Variants in DCC observed in about 807,000 individuals in gnomAD.
The protein encoded by DCC is netrin receptor DCC.
A neutral mutation model predicts 172.5 loss-of-function variants in DCC; 58 were observed. The ratio of observed to expected loss-of-function variants is 0.34; its 90% CI spans 0.27 to 0.42. The LOEUF (loss-of-function observed/expected upper bound fraction) is 0.42. Ranked by LOEUF, DCC falls within the 10% of genes least tolerant of loss-of-function variation. The probability of loss-of-function intolerance (pLI) is 1.00; values close to 1 mark genes in which losing one functional copy is unlikely to be tolerated. For missense variants in DCC, 1,740 were observed against 1,791.0 expected (o/e 0.97, Z 0.51); for synonymous variants, 709 against 644.5 (o/e 1.10, Z -1.52).
At chr18:52,726,398 G>A (rs28407544) in intron 1 of DCC, among the ~76,000 whole-genome samples, 9,526 of 152,050 alleles carry the variant, frequency 0.063, 972 homozygotes, top group African/African-American at 0.22. Context: ...TTTCCACCAT[G>A]GTACCTTCAT....
At chr18:52,767,585 G>C (rs984991320) in intron 2 of DCC, among the ~76,000 whole-genome samples, 1 of 152,090 alleles carries the variant, frequency 6.6e-6, no homozygotes, top group Admixed American at 6.5e-5. Context: ...TACGCTTGTT[G>C]GTTTCTTGTG....
chr18:52,593,962 C>T (rs1315043938), intron 1 of DCC, among the ~76,000 whole-genome samples: 1 of 152,124 alleles, frequency 6.6e-6, no homozygotes, highest in Non-Finnish European at 1.5e-5. Flanking sequence ...AATGCAATTC[C>T]AGTGGATGTA....
At chr18:52,986,720 A>G (rs1288838614) in intron 5 of DCC, among the ~76,000 whole-genome samples, 1 of 151,528 alleles carries the variant, frequency 6.6e-6, no homozygotes, top group Non-Finnish European at 1.5e-5. Flanking sequence ...AGCAGAAGCT[A>G]TATATATACA....
chr18:53,120,294 A>G (rs984147096), intron 7 of DCC, among the ~76,000 whole-genome samples: 39 of 151,930 alleles, frequency 2.6e-4, no homozygotes, highest in African/African-American at 9.1e-4. Flanking sequence ...TAGAATAAAA[A>G]CATTTATAGA....
chr18:52,527,183 A>T (rs1284961851), intron 1 of DCC, among the ~76,000 whole-genome samples: 1 of 152,234 alleles, frequency 6.6e-6, no homozygotes, highest in Non-Finnish European at 1.5e-5. Flanking sequence ...CTGAGAGGGG[A>T]TATCATGTCA....
intron 2 of DCC, among the ~76,000 whole-genome samples, chr18:52,778,653 A>G (rs1185775115): frequency 6.6e-6 from 1 of 152,208 alleles, no homozygotes; most frequent in African/African-American, 2.4e-5. Flanking sequence ...TGAGAGGCAT[A>G]ATTTGAGTAA....
intron 7 of DCC, among the ~76,000 whole-genome samples, chr18:53,144,590 G>A (rs1428121292): frequency 6.6e-6 from 1 of 152,084 alleles, no homozygotes; most frequent in African/African-American, 2.4e-5. Context: ...CCTCCCACCA[G>A]GTCCCTCCCA....
At position 53,507,524 on chromosome 18, in the gene DCC, A is replaced by G. The variant is rs570470094; in HGVS notation, c.4111+8014A>G. Among the ~76,000 whole-genome samples, 19 of 152,268 alleles carry G rather than the reference A, an allele frequency of 1.2e-4. No homozygotes were observed. In the South Asian group the frequency reaches 3.9e-3, roughly 32 times the overall value. On this transcript the variant is annotated intron_variant, in intron 27 of 28. Transcript: ENST00000442544. ...TGTGTGTGTTCCAGCATTGACTTTCATCTTAGGCTTGCAGGAGGACTGATG... is the reference window on the plus strand; with the variant it reads ...TGTGTGTGTTCCAGCATTGACTTTCGTCTTAGGCTTGCAGGAGGACTGATG...
intron 7 of DCC, among the ~76,000 whole-genome samples, chr18:53,135,244 TAAA>T (rs1251607171): frequency 6.6e-6 from 1 of 151,962 alleles, no homozygotes; most frequent in Non-Finnish European, 1.5e-5. Flanking sequence ...GGCCAGGTAA[TAAA>T]AAAGCCTCCT....
At chr18:53,310,038 CT>C (rs1384822282) in intron 13 of DCC, among the ~76,000 whole-genome samples, 3 of 149,132 alleles carry the variant, frequency 2.0e-5, no homozygotes, top group African/African-American at 7.4e-5. Flanking sequence ...GCATCATATA[CT>C]TAAAATTTTT....
intron 25 of DCC, among the ~76,000 whole-genome samples, chr18:53,477,876 C>A (rs1226647688): frequency 6.6e-6 from 1 of 152,176 alleles, no homozygotes; most frequent in African/African-American, 2.4e-5. Flanking sequence ...GAACCCCAAT[C>A]TTTTGATTCC....
At chr18:52,630,316 G>A (rs1334153581) in intron 1 of DCC, among the ~76,000 whole-genome samples, 2 of 152,132 alleles carry the variant, frequency 1.3e-5, no homozygotes, top group African/African-American at 4.8e-5. Flanking sequence ...GAATTCTGGG[G>A]ATCGAATTCC....
rs532264758 is a variant in DCC, at chr18:53,111,460, G to C, written c.1261+45294G>C. Among the ~76,000 whole-genome samples, 8 of 146,898 alleles carry C rather than the reference G, an allele frequency of 5.4e-5. No homozygotes were observed. In the South Asian group the frequency reaches 1.8e-3, roughly 32 times the overall value. On this transcript the variant is annotated intron_variant, in intron 7 of 28. Transcript: ENST00000442544. Reference sequence around the variant, plus strand: ...AAAGAAAGATTAAAAAAAAAAAAGAGAGACCACCAACTTTGGGTTTGAATT... The same window carrying C: ...AAAGAAAGATTAAAAAAAAAAAAGACAGACCACCAACTTTGGGTTTGAATT...
chr18:52,514,627 A>G (rs535571746), intron 1 of DCC, among the ~76,000 whole-genome samples: 12 of 152,350 alleles, frequency 7.9e-5, no homozygotes, highest in African/African-American at 2.9e-4. Flanking sequence ...CCTTTTTAGA[A>G]AAGTCTGTGC....
chr18:53,198,984 C>A (rs2055493156), intron 9 of DCC, among the ~76,000 whole-genome samples: 1 of 152,042 alleles, frequency 6.6e-6, no homozygotes, highest in South Asian at 2.1e-4. Flanking sequence ...AGTTCCTTGA[C>A]TGACATACTA....
In DCC at chr18:52,962,153, C is replaced by A. The variant is rs1598974305; in HGVS notation, c.985+36783C>A. Among the ~76,000 whole-genome samples, 4 of 150,522 alleles carry A rather than the reference C, an allele frequency of 2.7e-5. No homozygotes were observed. The East Asian group carries it at 7.8e-4, about 29-fold the overall frequency. On this transcript the variant is annotated intron_variant, in intron 5 of 28. Transcript: ENST00000442544. ...AGCTTCTGCACAGCAAAAGAAACTA[C>A]CATCAGAGTGAACAGGCAACCTACA... is the stretch of plus-strand genomic sequence containing the variant.
At chr18:53,110,684 C>G (rs1239520821) in intron 7 of DCC, among the ~76,000 whole-genome samples, 2 of 145,798 alleles carry the variant, frequency 1.4e-5, no homozygotes, top group African/African-American at 5.1e-5. Context: ...AAATGCAAAT[C>G]AAAACCACAA....
chr18:52,442,062 A>G (rs1043245019), intron 1 of DCC, among the ~76,000 whole-genome samples: 1 of 152,178 alleles, frequency 6.6e-6, no homozygotes, highest in African/African-American at 2.4e-5. Flanking sequence ...GCTTGGTATT[A>G]TACTGTCCTT....
intron 2 of DCC, among the ~76,000 whole-genome samples, chr18:52,890,448 A>G (rs2039631805): frequency 6.6e-6 from 1 of 152,164 alleles, no homozygotes; most frequent in South Asian, 2.1e-4. Context: ...AAATGATTTC[A>G]TAAAACCGCC....
Sources: allele counts gnomAD v4.1 joint callset (sites outside exome capture counted in the v4.1 genomes callset), GRCh38; gene constraint gnomAD v4.1.1; transcripts MANE v1.5; gene names NCBI Gene and HGNC (gene_info 2026-07-23, HGNC 2026-07-21).